Variants in REL observed in about 807,000 individuals in gnomAD.
The protein encoded by REL is REL proto-oncogene, NF-kB subunit.
A neutral mutation model predicts 45.9 loss-of-function variants in REL; 15 were observed. That is an observed-to-expected ratio of 0.33 (90% CI 0.22 to 0.50). REL has a LOEUF of 0.50. Among genes scored for constraint, REL ranks in the 20% least tolerant of loss-of-function variants. The pLI, the probability that REL is intolerant of heterozygous loss-of-function variation, is 0.98. For synonymous variants in REL, 239 were observed against 242.1 expected (o/e 0.99, Z 0.12); for missense variants, 601 against 715.2 (o/e 0.84, Z 1.82).
At chr2:60,895,578 T>TA (rs1673327939) in intron 3 of REL, among the ~76,000 whole-genome samples, 1 of 152,186 alleles carries the variant, frequency 6.6e-6, no homozygotes, top group South Asian at 2.1e-4. Context: ...AGAATTAACA[T>TA]ACAACAATAG....
chr2:60,896,878 T>C (rs1673364544), intron 3 of REL, among the ~76,000 whole-genome samples: 2 of 152,166 alleles, frequency 1.3e-5, no homozygotes, highest in Admixed American at 1.3e-4. Context: ...CAATTCAGGA[T>C]CCCATTAAGG....
intron 3 of REL, among the ~76,000 whole-genome samples, chr2:60,897,139 T>C (rs1350058615): frequency 1.3e-5 from 2 of 152,068 alleles, no homozygotes; most frequent in Non-Finnish European, 2.9e-5. Flanking sequence ...TAATATATTA[T>C]AGTTATTCTG....
At position 60,881,603 on chromosome 2, in the gene REL, C is replaced by T; in HGVS notation, c.-238C>T. On this transcript the variant is annotated 5_prime_UTR_variant, in exon 1 of 10. Coordinates refer to ENST00000394479, the MANE Select transcript of REL (RefSeq NM_001291746.2). The stretch of plus-strand genomic sequence containing the variant: ...GGCTCTCCCCGCTCCGCCCCCTGCC[C>T]CTGGCTCCCGTACGGTGGACGGCGA... 1 of 504,648 alleles carries T rather than the reference C, an allele frequency of 2.0e-6. No individual in the cohort carries two copies. Among genetic ancestry groups the T allele is most frequent in the East Asian group, 3.5e-5 (1 of 28,410 alleles). 31.3% of individuals were successfully genotyped at this position (504,648 alleles called of 1,614,324 possible). A position where few individuals can be genotyped will look rare whatever the true frequency, so the allele number is the denominator to read the frequency against.
At chr2:60,898,276 G>C (rs914618488) in intron 3 of REL, among the ~76,000 whole-genome samples, 28 of 152,106 alleles carry the variant, frequency 1.8e-4, no homozygotes, top group African/African-American at 6.8e-4. Flanking sequence ...CATTTTAATG[G>C]GTTTATTTGG....
rs1019563042 is a variant in REL, at chr2:60,881,946, G to T, written c.10+96G>T. 7 of 812,522 alleles carry T rather than the reference G, an allele frequency of 8.6e-6. No homozygotes were observed. The African/African-American group carries it at 1.1e-4, about 13-fold the overall frequency. The allele number at this position is 812,522 out of a possible 1,614,324, so 50.3% of individuals were successfully genotyped here. A position where few individuals can be genotyped will look rare whatever the true frequency, so the allele number is the denominator to read the frequency against. On this transcript the variant is annotated intron_variant, in intron 1 of 9. Coordinates refer to ENST00000394479, the MANE Select transcript of REL (RefSeq NM_001291746.2). ...AGTTTAGGGAGCTCAGTTTTTGCTG[G>T]GGCGCGTTCTGTCTTTAAAATCTCA...
intron 1 of REL, among the ~76,000 whole-genome samples, chr2:60,889,225 C>T (rs114902578): frequency 1.6e-3 from 239 of 152,272 alleles, no homozygotes; most frequent in Non-Finnish European, 2.7e-3. Context: ...TCATTTCCTC[C>T]GCTCTTTTGC....
chr2:60,915,176 A>G (rs1203984809), intron 4 of REL, among the ~76,000 whole-genome samples: 1 of 152,106 alleles, frequency 6.6e-6, no homozygotes. Context: ...GTAGGTCTAT[A>G]CCACACTTTG....
chr2:60,910,510 GAGAAC>G (rs1397297619), intron 4 of REL, among the ~76,000 whole-genome samples: 1 of 150,520 alleles, frequency 6.6e-6, no homozygotes, highest in African/African-American at 2.4e-5. Context: ...AAAAAGGAAG[GAGAAC>G]AGGAGAACAG....
chr2:60,912,368 G>T (rs1003856973), intron 4 of REL, among the ~76,000 whole-genome samples: 4 of 152,178 alleles, frequency 2.6e-5, no homozygotes, highest in African/African-American at 7.2e-5. Flanking sequence ...TATAAATTTA[G>T]TGATGTTTTT....
At chr2:60,892,450 C>T (rs1025294675) in intron 2 of REL, among the ~76,000 whole-genome samples, 5 of 152,104 alleles carry the variant, frequency 3.3e-5, no homozygotes, top group Non-Finnish European at 5.9e-5. Context: ...ATTTTTGAGA[C>T]GGAGTTTCAC....
rs1558826963 is a variant in REL, at chr2:60,925,251, A to T, written c.*2716A>T. The T allele has an allele frequency of 5.1e-6, 1 of 195,486 alleles. No individual in the cohort carries two copies. Among genetic ancestry groups the T allele is most frequent in the African/African-American group, 2.3e-5 (1 of 43,250 alleles). 12.1% of individuals were successfully genotyped at this position (195,486 alleles called of 1,614,324 possible). ...CTTACACGATGTCTAACCAAACCAT[A>T]ACTTTACATAAACTAGTCGTTTCGG... On this transcript the variant is annotated 3_prime_UTR_variant, in exon 10 of 10. Coordinates refer to ENST00000394479, the MANE Select transcript of REL (RefSeq NM_001291746.2).
In REL at chr2:60,924,248, G is replaced by C; in HGVS notation, c.*1713G>C. 4.4e-6 allele frequency: 1 copy of C among 226,608 alleles called. No homozygotes were observed. Among genetic ancestry groups the C allele is most frequent in the Non-Finnish European group, 8.8e-6 (1 of 113,972 alleles). 14.0% of individuals were successfully genotyped at this position (226,608 alleles called of 1,614,324 possible). On this transcript the variant is annotated 3_prime_UTR_variant, in exon 10 of 10. Coordinates refer to ENST00000394479, the MANE Select transcript of REL (RefSeq NM_001291746.2). ...ACTCACCACGATCTGACTTTACTAA[G>C]TATTTATTCATTTACTGTTTGTTTT...
At chr2:60,897,008 T>C (rs1410756719) in intron 3 of REL, among the ~76,000 whole-genome samples, 1 of 152,228 alleles carries the variant, frequency 6.6e-6, no homozygotes, top group Admixed American at 6.5e-5. Context: ...TCTAAAAATA[T>C]CCCTTCAGTT....
intron 4 of REL, among the ~76,000 whole-genome samples, chr2:60,907,083 CT>C (rs1257948832): frequency 6.6e-6 from 1 of 151,166 alleles, no homozygotes; most frequent in Non-Finnish European, 1.5e-5. Flanking sequence ...CCATGCCCAG[CT>C]AATTTTTTTT....
At position 60,922,713 on chromosome 2, in the gene REL, G is replaced by C. The variant is rs1674177788; in HGVS notation, c.*178G>C. 8.1e-7 allele frequency: 1 copy of C among 1,232,510 alleles called. No individual in the cohort carries two copies. The highest frequency in any genetic ancestry group is 2.7e-5 in the South Asian group (1 of 37,306). 76.3% of individuals were successfully genotyped at this position (1,232,510 alleles called of 1,614,324 possible). A position where few individuals can be genotyped will look rare whatever the true frequency, so the allele number is the denominator to read the frequency against. On this transcript the variant is annotated 3_prime_UTR_variant, in exon 10 of 10. Transcript: ENST00000394479. The stretch of plus-strand genomic sequence containing the variant: ...TTTCAGGGAAGAAGCATACAACTTT[G>C]GACATAGCGAATACAAAATTGGAAG...
At chr2:60,911,667 A>G (rs1673816959) in intron 4 of REL, among the ~76,000 whole-genome samples, 1 of 152,102 alleles carries the variant, frequency 6.6e-6, no homozygotes, top group African/African-American at 2.4e-5. Flanking sequence ...AAATAAATGG[A>G]GAGGTATTCC....
chr2:60,907,988 C>T (rs368235828), intron 4 of REL, among the ~76,000 whole-genome samples: 7 of 151,792 alleles, frequency 4.6e-5, no homozygotes, highest in African/African-American at 9.7e-5. Context: ...CACCACGCCC[C>T]GCCTTATTTG....
chr2:60,893,679 A>G (rs1673278947), intron 2 of REL, among the ~76,000 whole-genome samples: 1 of 152,200 alleles, frequency 6.6e-6, no homozygotes, highest in Non-Finnish European at 1.5e-5. Flanking sequence ...TATGGATTTT[A>G]GTGCCCTCTA....
intron 3 of REL, 105 bp downstream of exon 3, chr2:60,894,650 T>G (rs985346281): frequency 1.7e-5 from 15 of 875,468 alleles, no homozygotes; most frequent in Middle Eastern, 2.6e-4. Flanking sequence ...ATTTTCTCAT[T>G]CTACTTCTAT....
Sources: allele counts gnomAD v4.1 joint callset (sites outside exome capture counted in the v4.1 genomes callset), GRCh38; gene constraint gnomAD v4.1.1; transcripts MANE v1.5; gene names NCBI Gene and HGNC (gene_info 2026-07-23, HGNC 2026-07-21).